Variants in ASRGL1 observed in about 807,000 individuals in gnomAD.
ASRGL1 encodes asparaginase and isoaspartyl peptidase 1.
A neutral mutation model predicts 22.4 loss-of-function variants in ASRGL1; 16 were observed. The ratio of observed to expected loss-of-function variants is 0.71; its 90% CI spans 0.48 to 1.08. The LOEUF is 1.08. ASRGL1 is among the 50% of genes least tolerant of loss of function. The pLI, the probability that ASRGL1 is intolerant of heterozygous loss-of-function variation, is 0.00. For missense variants in ASRGL1, 412 were observed against 410.1 expected (o/e 1.00, Z -0.04); for synonymous variants, 165 against 159.3 (o/e 1.04, Z -0.27).
intron 4 of ASRGL1, among the ~76,000 whole-genome samples, chr11:62,378,102 C>T (rs1354064871): frequency 6.6e-6 from 1 of 152,102 alleles, no homozygotes; most frequent in Non-Finnish European, 1.5e-5. Context: ...CTAGAGTTGG[C>T]CGAATCCAAT....
intron 4 of ASRGL1, among the ~76,000 whole-genome samples, chr11:62,361,890 C>T (rs1315527671): frequency 1.3e-5 from 2 of 152,126 alleles, no homozygotes; most frequent in Non-Finnish European, 1.5e-5. Context: ...AAGCCTAAAT[C>T]ATTCCATGTT....
chr11:62,365,223 ATAGC>A (rs1269017870), intron 4 of ASRGL1, among the ~76,000 whole-genome samples: 1 of 152,168 alleles, frequency 6.6e-6, no homozygotes, highest in Admixed American at 6.6e-5. Context: ...TATTAGGACT[ATAGC>A]TAATAATATT....
At position 62,392,339 on chromosome 11, in the gene ASRGL1, C is replaced by T; in HGVS notation, c.*55C>T. On this transcript the variant is annotated 3_prime_UTR_variant, in exon 7 of 7. Transcript: ENST00000415229. ...GCTTAGAGGTCAAGTACAGTCTCCT[C>T]ATGAGACATAGCCTAATCAATTAGA... The T allele has an allele frequency of 1.3e-6, 2 of 1,582,292 alleles. No individual in the cohort carries two copies. The highest frequency in any genetic ancestry group is 8.7e-7 in the Non-Finnish European group (1 of 1,153,328).
intron 2 of ASRGL1, among the ~76,000 whole-genome samples, chr11:62,352,973 C>T (rs1946201705): frequency 6.6e-6 from 1 of 152,078 alleles, no homozygotes; most frequent in South Asian, 2.1e-4. Flanking sequence ...TGCTTTTTGC[C>T]AAATACAAGG....
chr11:62,392,375 G>GA lies in ASRGL1; in HGVS notation c.*96dup. 4 of 1,460,142 alleles carry GA rather than the reference G, an allele frequency of 2.7e-6. No individual in the cohort carries two copies. The highest frequency in any genetic ancestry group is 2.4e-5 in the South Asian group (2 of 83,434). 90.4% of individuals were successfully genotyped at this position (1,460,142 alleles called of 1,614,324 possible). On this transcript the variant is annotated 3_prime_UTR_variant, in exon 7 of 7. Transcript: ENST00000415229. The stretch of plus-strand genomic sequence containing the variant: ...GCCTAATCAATTAGATCTAGAATTG[G>GA]AAAAATTGTCCCGTCTGTCACTTGT...
chr11:62,375,554 T>C (rs969073410), intron 4 of ASRGL1, among the ~76,000 whole-genome samples: 1 of 148,632 alleles, frequency 6.7e-6, no homozygotes, highest in African/African-American at 2.5e-5. Context: ...ATAAACATCC[T>C]GGTGCTCTCC....
rs1947380776 is a variant in ASRGL1 at position 62,393,072 on chromosome 11, A to G, written c.*788A>G. ...AAGACACTCTGGTCCTCGTATAGTG[A>G]GTAATGGGGCTCAGGGCCTCTCCAA... On this transcript the variant is annotated 3_prime_UTR_variant, in exon 7 of 7. Transcript: ENST00000415229. 6.6e-6 allele frequency: 1 copy of G among 152,234 alleles called. No individual in the cohort carries two copies. The highest frequency in any genetic ancestry group is 2.4e-5 in the African/African-American group (1 of 41,414). The allele number at this position is 152,234 out of a possible 1,614,324, so 9.4% of individuals were successfully genotyped here.
At chr11:62,387,079 T>C (rs1436494077) in intron 4 of ASRGL1, among the ~76,000 whole-genome samples, 3 of 149,440 alleles carry the variant, frequency 2.0e-5, no homozygotes, top group Non-Finnish European at 4.5e-5. Flanking sequence ...TTTTTTGTAT[T>C]TTTAGTAGAG....
At chr11:62,340,614 C>A (rs1345546887) in intron 2 of ASRGL1, among the ~76,000 whole-genome samples, 1 of 152,154 alleles carries the variant, frequency 6.6e-6, no homozygotes, top group African/African-American at 2.4e-5. Flanking sequence ...ATCCAGAGGC[C>A]TTCCTTCTCA....
intron 5 of ASRGL1, among the ~76,000 whole-genome samples, chr11:62,390,999 C>T (rs1207901386): frequency 6.6e-6 from 1 of 152,176 alleles, no homozygotes; most frequent in Non-Finnish European, 1.5e-5. Flanking sequence ...TCCAGACCCC[C>T]ACTTAAGTGG....
chr11:62,340,780 C>T (rs563445098), intron 2 of ASRGL1, among the ~76,000 whole-genome samples: 14 of 152,134 alleles, frequency 9.2e-5, no homozygotes, highest in Non-Finnish European at 1.9e-4. Context: ...AGGTCACTAC[C>T]GGCAAGCAAT....
intron 5 of ASRGL1, among the ~76,000 whole-genome samples, chr11:62,391,310 C>A (rs1049983766): frequency 1.3e-5 from 2 of 152,186 alleles, no homozygotes; most frequent in Admixed American, 1.3e-4. Flanking sequence ...TCAGGCCTGC[C>A]CCTCTGAGGC....
At chr11:62,378,716 T>A (rs945514929) in intron 4 of ASRGL1, among the ~76,000 whole-genome samples, 14 of 152,114 alleles carry the variant, frequency 9.2e-5, no homozygotes, top group Non-Finnish European at 1.6e-4. Context: ...ACAGGAGAAT[T>A]CCAAGGCGAG....
At chr11:62,395,723 C>T (rs1228593153), downstream of ASRGL1, among the ~76,000 whole-genome samples, 1 of 139,886 alleles carries the variant, frequency 7.1e-6, no homozygotes, top group Non-Finnish European at 1.5e-5. Flanking sequence ...CATCTTTGCA[C>T]AAAACCATCA....
At chr11:62,362,708 AATATAT>A (rs1565162525) in intron 4 of ASRGL1, among the ~76,000 whole-genome samples, 5 of 71,716 alleles carry the variant, frequency 7.0e-5, no homozygotes, top group African/African-American at 1.7e-4. Context: ...TATTATATAA[AATATAT>A]TATATGTTAT....
At chr11:62,361,393 C>T (rs1476811809) in intron 4 of ASRGL1, among the ~76,000 whole-genome samples, 3 of 151,350 alleles carry the variant, frequency 2.0e-5, no homozygotes, top group Non-Finnish European at 4.4e-5. Flanking sequence ...GCCATGTTGC[C>T]CAGGCTCGTC....
intron 4 of ASRGL1, among the ~76,000 whole-genome samples, chr11:62,361,234 C>A (rs1055714229): frequency 7.9e-5 from 12 of 152,112 alleles, no homozygotes; most frequent in African/African-American, 2.9e-4. Context: ...CTTTGTCACC[C>A]AGGCTCGAGT....
At chr11:62,389,358 G>A in intron 5 of ASRGL1, 107 bp downstream of exon 5, 1 of 1,086,962 alleles carries the variant, frequency 9.2e-7, no homozygotes. Flanking sequence ...TTCCCTTTCT[G>A]CTTTTGGTGC....
At chr11:62,389,775 G>C (rs189056744) in intron 5 of ASRGL1, 1 of 231,778 alleles carries the variant, frequency 4.3e-6, no homozygotes, top group African/African-American at 2.3e-5. Context: ...GAGAGGCAGG[G>C]CTGGGGGGCT....
Sources: gnomAD v4.1 joint callset for allele counts (sites outside exome capture counted in the v4.1 genomes callset) on GRCh38, gnomAD v4.1.1 for gene constraint, MANE v1.5 for transcripts, NCBI Gene and HGNC (gene_info 2026-07-23, HGNC 2026-07-21) for gene names.